The following DLGAP1 variants were observed in gnomAD, a reference collection of about 807,000 sequenced individuals.
DLGAP1 encodes DLG associated protein 1, also known as disks large-associated protein 1.
In DLGAP1, 11 loss-of-function variants were observed where a neutral mutation model predicts 90.8. The observed-to-expected ratio is 0.12, with a 90% CI of 0.08 to 0.20. DLGAP1 has a LOEUF of 0.20. DLGAP1 is among the 10% of genes least tolerant of loss of function. DLGAP1 has a pLI of 1.00. For missense variants in DLGAP1, 1,050 were observed against 1,333.8 expected, an observed-to-expected ratio of 0.79 and a Z score of 3.31; for synonymous variants, 558 against 540.7, an observed-to-expected ratio of 1.03 and a Z score of -0.44.
At chr18:4,451,062 G>A (rs2083814668) in intron 1 of DLGAP1, among the ~76,000 whole-genome samples, 1 of 152,136 alleles carries the variant, frequency 6.6e-6, no homozygotes, top group Non-Finnish European at 1.5e-5. Flanking sequence ...CCTATAGGAG[G>A]GAGAAAATAA....
intron 2 of DLGAP1, among the ~76,000 whole-genome samples, chr18:4,068,414 T>C (rs2075400864): frequency 6.6e-6 from 1 of 151,400 alleles, no homozygotes; most frequent in Non-Finnish European, 1.5e-5. Flanking sequence ...ATATATACTA[T>C]ATATTAATGT....
At chr18:4,359,738 C>CCTTGG (rs2081593112) in intron 1 of DLGAP1, among the ~76,000 whole-genome samples, 2 of 152,058 alleles carry the variant, frequency 1.3e-5, no homozygotes, top group Admixed American at 6.6e-5. Flanking sequence ...TTGATAATGG[C>CCTTGG]AGGCAGAGAG....
At chr18:4,009,296 T>C (rs528941412) in intron 2 of DLGAP1, among the ~76,000 whole-genome samples, 3 of 152,240 alleles carry the variant, frequency 2.0e-5, no homozygotes, top group Non-Finnish European at 4.4e-5. Flanking sequence ...ATCAGGTCGC[T>C]GCTTTCCCGT....
At chr18:3,808,532 C>T (rs978577612) in intron 5 of DLGAP1, among the ~76,000 whole-genome samples, 7 of 152,054 alleles carry the variant, frequency 4.6e-5, no homozygotes, top group East Asian at 3.9e-4. Flanking sequence ...TACAATGATA[C>T]GGAGGAACAG....
intron 1 of DLGAP1, among the ~76,000 whole-genome samples, chr18:4,279,696 A>G (rs583979): frequency 0.27 from 40,588 of 152,132 alleles, 6,166 homozygotes; most frequent in African/African-American, 0.41. Context: ...TTTCTTAACT[A>G]AAGTAAACAT....
chr18:4,046,216 T>C (rs1013203771), intron 2 of DLGAP1, among the ~76,000 whole-genome samples: 4 of 152,326 alleles, frequency 2.6e-5, no homozygotes, highest in African/African-American at 9.6e-5. Flanking sequence ...TCACTTCTTA[T>C]GGTTGGTTGT....
In DLGAP1 at chr18:3,580,237, T is replaced by C. The variant is rs2055409444; in HGVS notation, c.1965+1638A>G. On this transcript the variant is annotated intron_variant, in intron 8 of 12. Transcript: ENST00000315677. ...GTGGACATTCCCCTCAGGTGAACCA[T>C]CTGAAAAGACCAGTCAGTGGAGTGG... The C allele has an allele frequency of 2.8e-5, 45 of 1,599,264 alleles. No homozygotes were observed. In the South Asian group the frequency reaches 4.6e-4, roughly 16 times the overall value.
intron 10 of DLGAP1, among the ~76,000 whole-genome samples, chr18:3,510,422 C>G (rs1050753009): frequency 2.0e-5 from 3 of 152,190 alleles, no homozygotes; most frequent in Non-Finnish European, 4.4e-5. Flanking sequence ...CACACTTGCC[C>G]TGGCTAGGAG....
intron 2 of DLGAP1, among the ~76,000 whole-genome samples, chr18:4,055,059 G>A (rs1956133012): frequency 2.0e-5 from 3 of 152,234 alleles, no homozygotes; most frequent in Admixed American, 2.0e-4. Flanking sequence ...TTTAGTCAAG[G>A]AAAATATAGG....
At chr18:4,032,921 T>C (rs949857897) in intron 2 of DLGAP1, among the ~76,000 whole-genome samples, 4 of 152,170 alleles carry the variant, frequency 2.6e-5, no homozygotes, top group African/African-American at 9.7e-5. Flanking sequence ...TAGTTGGTGT[T>C]GGATAAGTAA....
intron 11 of DLGAP1, among the ~76,000 whole-genome samples, chr18:3,507,193 A>G (rs1205592889): frequency 1.3e-5 from 2 of 152,140 alleles, no homozygotes; most frequent in Admixed American, 1.3e-4. Context: ...GAAGTGGTTA[A>G]AACTCCAAAA....
At chr18:4,348,587 C>G (rs527440690) in intron 1 of DLGAP1, among the ~76,000 whole-genome samples, 1 of 151,980 alleles carries the variant, frequency 6.6e-6, no homozygotes, top group African/African-American at 2.4e-5. Context: ...AAATACCTTT[C>G]GCTAAGAAAA....
At chr18:3,748,633 T>G (rs974323476) in intron 5 of DLGAP1, among the ~76,000 whole-genome samples, 3 of 152,194 alleles carry the variant, frequency 2.0e-5, no homozygotes, top group African/African-American at 7.2e-5. Flanking sequence ...CTAACTTCAT[T>G]GTATTTCAAA....
intron 2 of DLGAP1, among the ~76,000 whole-genome samples, chr18:4,095,680 C>T (rs1174488175): frequency 6.6e-6 from 1 of 151,882 alleles, no homozygotes; most frequent in Non-Finnish European, 1.5e-5. Context: ...ATGATGGTGA[C>T]AGGGTGTGTC....
chr18:4,088,960 G>C (rs1365754479), intron 2 of DLGAP1, among the ~76,000 whole-genome samples: 1 of 152,214 alleles, frequency 6.6e-6, no homozygotes, highest in Non-Finnish European at 1.5e-5. Flanking sequence ...AGCGCAAGCA[G>C]GCAAGAGAAA....
chr18:3,976,229 A>G (rs11660440), intron 3 of DLGAP1, among the ~76,000 whole-genome samples: 57,438 of 149,492 alleles, frequency 0.38, 11,376 homozygotes, highest in Non-Finnish European at 0.42. Context: ...AACGATAATT[A>G]GCCAGGTGTG....
chr18:4,014,481 A>T (rs2074486690), intron 2 of DLGAP1, among the ~76,000 whole-genome samples: 1 of 152,174 alleles, frequency 6.6e-6, no homozygotes, highest in South Asian at 2.1e-4. Flanking sequence ...CCTAGATTTG[A>T]TAGAATACTA....
intron 2 of DLGAP1, among the ~76,000 whole-genome samples, chr18:4,097,438 C>T (rs1286232064): frequency 6.6e-6 from 1 of 152,242 alleles, no homozygotes; most frequent in Non-Finnish European, 1.5e-5. Context: ...TGTACTTTGT[C>T]AAAAGTGCTC....
chr18:3,520,019 C>G (rs984165888), intron 10 of DLGAP1, among the ~76,000 whole-genome samples: 1 of 152,094 alleles, frequency 6.6e-6, no homozygotes, highest in African/African-American at 2.4e-5. Context: ...ACGTTCAGCA[C>G]ATGTATCCCA....
Sources: gnomAD v4.1 joint callset for allele counts (sites outside exome capture counted in the v4.1 genomes callset) on GRCh38, gnomAD v4.1.1 for gene constraint, MANE v1.5 for transcripts, NCBI Gene and HGNC (gene_info 2026-07-23, HGNC 2026-07-21) for gene names.